WWP2: variants seen among roughly 807,000 people sequenced by gnomAD.
WWP2 encodes the protein WW domain containing E3 ubiquitin protein ligase 2, also known as NEDD4-like E3 ubiquitin-protein ligase WWP2.
In WWP2, 57 loss-of-function variants were observed where a neutral mutation model predicts 121.0. The ratio of observed to expected loss-of-function variants is 0.47; its 90% CI spans 0.38 to 0.59. WWP2 has a LOEUF of 0.59. Among genes scored for constraint, WWP2 ranks in the 20% least tolerant of loss-of-function variants. WWP2 has a pLI of 0.00. For synonymous variants in WWP2, 449 were observed against 441.3 expected (o/e 1.02, Z -0.22); for missense variants, 962 against 1,158.9 (o/e 0.83, Z 2.47).
At chr16:69,899,950 CTGAACAAGTCAATATT>C (rs148777460) in intron 8 of WWP2, among the ~76,000 whole-genome samples, 7,863 of 151,956 alleles carry the variant, frequency 0.052, 271 homozygotes, top group Middle Eastern at 0.11. Flanking sequence ...TTGTAAATAC[CTGAACAAGTCAATATT>C]TATCTACAAT....
chr16:69,887,997 C>T, intron 7 of WWP2, 42 bp from the exon 8 acceptor site: 2 of 1,604,710 alleles, frequency 1.2e-6, no homozygotes, highest in East Asian at 2.2e-5. Flanking sequence ...ATAAAATTCT[C>T]ATTCTTAGTT....
chr16:69,851,533 A>G (rs940825285), intron 6 of WWP2, among the ~76,000 whole-genome samples: 2 of 152,030 alleles, frequency 1.3e-5, no homozygotes, highest in African/African-American at 4.8e-5. Flanking sequence ...ACTGAATAAT[A>G]TTTCATTGTC....
At position 69,930,179 on chromosome 16, in the gene WWP2, A is replaced by G; in HGVS notation, c.1366A>G (p.Ser456Gly). 1.2e-6 allele frequency: 2 copies of G among 1,614,118 alleles called. No individual in the cohort carries two copies. The highest frequency in any genetic ancestry group is 1.7e-6 in the Non-Finnish European group (2 of 1,180,000). ...LPPGWEMKYT[S>G]EGVRYFVDHN... ...CCCAGGATGGGAGATGAAATACACCAGCGAGGGGGTGCGATACTTTGTGGA... is the reference window on the plus strand; with the variant it reads ...CCCAGGATGGGAGATGAAATACACCGGCGAGGGGGTGCGATACTTTGTGGA... The change falls in exon 13 of 24, where the codon AGC (serine) becomes GGC (glycine). Residue 456 changes from serine to glycine, a missense_variant. Ser to Gly is a moderately conservative substitution (Grantham distance 56). Transcript: ENST00000359154.
chr16:69,922,690 G>T (rs1358354373), intron 10 of WWP2, among the ~76,000 whole-genome samples: 1 of 152,202 alleles, frequency 6.6e-6, no homozygotes, highest in African/African-American at 2.4e-5. Context: ...TGGCCATGAT[G>T]CATAGTTTTT....
chr16:69,816,445 ATATC>A (rs1222200847), intron 4 of WWP2, among the ~76,000 whole-genome samples: 5 of 148,258 alleles, frequency 3.4e-5, no homozygotes, highest in South Asian at 4.2e-4. Context: ...ATCTATAACT[ATATC>A]TATATAATAT....
intron 6 of WWP2, among the ~76,000 whole-genome samples, chr16:69,855,379 AC>A (rs917378784): frequency 2.0e-5 from 3 of 152,132 alleles, no homozygotes; most frequent in Non-Finnish European, 4.4e-5. Flanking sequence ...AATGACAGTC[AC>A]CAAAGCCCCC....
rs370632943 is a variant in WWP2, at chr16:69,937,608, C to T, written c.2299C>T (p.Arg767Trp). 3.7e-6 allele frequency: 6 copies of T among 1,613,754 alleles called. No individual in the cohort carries two copies. The highest frequency in any genetic ancestry group is 2.7e-5 in the African/African-American group (2 of 74,842). The change falls in exon 21 of 24, where the codon CGG (arginine) becomes TGG (tryptophan). Residue 767 changes from arginine to tryptophan, a missense_variant. Arg to Trp is a moderately radical substitution (Grantham distance 101). Around this residue, in one of 3 missense-constraint regions of WWP2, gnomAD observed 606 missense variants for 772.6 expected, o/e 0.78. Coordinates refer to ENST00000359154, the MANE Select transcript of WWP2 (RefSeq NM_001270454.2). This position sits in a 1 kb window ranked among gnomAD's most constrained non-coding sequence, Gnocchi z 6.6. ...CGACTGGCAGAAGAGCACCATCTAC[C>T]GGCACTACACCAAGAACAGCAAGCA... ...MSDWQKSTIY[R>W]HYTKNSKQIQ...
chr16:69,933,736 C>T (rs983495406), intron 16 of WWP2, among the ~76,000 whole-genome samples: 3 of 152,080 alleles, frequency 2.0e-5, no homozygotes, highest in African/African-American at 7.2e-5. Flanking sequence ...ACACGTTTTC[C>T]CAAATATCAT....
chr16:69,857,655 CTTTTT>C (rs1166811815), intron 6 of WWP2, among the ~76,000 whole-genome samples: 3 of 71,934 alleles, frequency 4.2e-5, no homozygotes, highest in Admixed American at 1.9e-4. Context: ...AAGGTCAACT[CTTTTT>C]TTTTTTTTTT....
chr16:69,844,989 A>G (rs17300801), intron 6 of WWP2, among the ~76,000 whole-genome samples: 9,951 of 152,292 alleles, frequency 0.065, 350 homozygotes, highest in Middle Eastern at 0.12. Context: ...CTGTGCACAC[A>G]TGCTTATGAC....
chr16:69,935,779 C>T lies in WWP2; in HGVS notation c.1843-74C>T. 6.5e-7 allele frequency: 1 copy of T among 1,537,766 alleles called. No individual in the cohort carries two copies. The highest frequency in any genetic ancestry group is 8.7e-7 in the Non-Finnish European group (1 of 1,145,400). ...CGGGTAGCGGTAGCAGAGTTTGATA[C>T]CGAGCATCTGAGAGCTGGTCTTGGC... is the stretch of plus-strand genomic sequence containing the variant. On this transcript the variant is annotated intron_variant, in intron 17 of 23. Transcript: ENST00000359154. The surrounding 1 kb of genome is among the most constrained non-coding windows in gnomAD (Gnocchi z 5.2).
At chr16:69,915,794 GA>G (rs2058471627) in intron 9 of WWP2, among the ~76,000 whole-genome samples, 1 of 152,156 alleles carries the variant, frequency 6.6e-6, no homozygotes, top group African/African-American at 2.4e-5. Context: ...AGCACTTTGG[GA>G]GGCTGAGGCG....
chr16:69,837,033 C>A lies in WWP2; in HGVS notation c.341-3093C>A, dbSNP rs139231490. 2.5e-3 allele frequency among the ~76,000 whole-genome samples: 378 copies of A among 152,292 alleles called. 3 individuals carry two copies. Among genetic ancestry groups the A allele is most frequent in the African/African-American group, 8.7e-3 (360 of 41,558 alleles). On this transcript the variant is annotated intron_variant, in intron 4 of 23. Coordinates refer to ENST00000359154, the MANE Select transcript of WWP2 (RefSeq NM_001270454.2). ...CGACCTCCCGGGCTCAGGTGATTCT[C>A]CCACCTCTGCCTCCTCAGTATCTGG...
chr16:69,881,643 T>A (rs1264090435), intron 7 of WWP2, among the ~76,000 whole-genome samples: 1 of 152,220 alleles, frequency 6.6e-6, no homozygotes, highest in Admixed American at 6.5e-5. Flanking sequence ...GAAAGTAATA[T>A]CCAAAATTAT....
At chr16:69,900,008 G>A (rs2058177464) in intron 8 of WWP2, among the ~76,000 whole-genome samples, 1 of 152,010 alleles carries the variant, frequency 6.6e-6, no homozygotes, top group Non-Finnish European at 1.5e-5. Flanking sequence ...CCCATTATAG[G>A]AATAACATGA....
At chr16:69,840,002 G>T in intron 4 of WWP2, 124 bp from the exon 5 acceptor site, 12 of 1,373,680 alleles carry the variant, frequency 8.7e-6, no homozygotes, top group Non-Finnish European at 1.2e-5. Flanking sequence ...GGCAAAATGT[G>T]AAGATGTGGA....
intron 6 of WWP2, among the ~76,000 whole-genome samples, chr16:69,843,083 G>A (rs1237197203): frequency 2.0e-5 from 3 of 152,106 alleles, no homozygotes; most frequent in African/African-American, 7.2e-5. Flanking sequence ...AGGAACTGTT[G>A]AACAGGAAAC....
intron 10 of WWP2, chr16:69,924,946 G>T: frequency 1.0e-6 from 1 of 987,676 alleles, no homozygotes; most frequent in Non-Finnish European, 1.2e-6. Flanking sequence ...GCGTGGGCAG[G>T]GCTTGTGGGA....
intron 4 of WWP2, among the ~76,000 whole-genome samples, chr16:69,815,786 C>CG (rs1039083737): frequency 7.6e-5 from 10 of 131,748 alleles, no homozygotes; most frequent in African/African-American, 2.7e-4. Context: ...GACTCCGTCT[C>CG]GAAAAAAAAA....
Sources: allele counts gnomAD v4.1 joint callset (sites outside exome capture counted in the v4.1 genomes callset), GRCh38; gene constraint gnomAD v4.1.1; regional missense constraint gnomAD v4.1.1; non-coding constraint Gnocchi (gnomAD v3.1); transcripts MANE v1.5; gene names NCBI Gene and HGNC (gene_info 2026-07-23, HGNC 2026-07-21).